Variants in TULP4 observed in about 807,000 individuals in gnomAD.
TULP4 encodes the protein TUB like protein 4, also known as tubby-related protein 4.
A neutral mutation model predicts 129.0 loss-of-function variants in TULP4; 16 were observed. The observed-to-expected ratio is 0.12, with a 90% CI of 0.08 to 0.19. The LOEUF (loss-of-function observed/expected upper bound fraction) is 0.19, where lower values mean the gene tolerates loss of function less well. Among genes scored for constraint, TULP4 ranks in the 10% least tolerant of loss-of-function variants. The pLI is 1.00. For synonymous variants in TULP4, 998 were observed against 854.0 expected (o/e 1.17, Z -2.94); for missense variants, 1,842 against 2,059.1 (o/e 0.89, Z 2.04).
chr6:158,443,225 G>A (rs560180915), intron 3 of TULP4, among the ~76,000 whole-genome samples: 8 of 152,110 alleles, frequency 5.3e-5, no homozygotes, highest in South Asian at 2.1e-4. Flanking sequence ...CTTGTGATCT[G>A]CCCGCCTCGG....
At chr6:158,399,609 C>T (rs1167834405) in intron 1 of TULP4, among the ~76,000 whole-genome samples, 1 of 152,176 alleles carries the variant, frequency 6.6e-6, no homozygotes, top group Non-Finnish European at 1.5e-5. Context: ...TATTTCAAGT[C>T]CAGCTGCTGG....
In TULP4 at chr6:158,451,188, C is replaced by T. The variant is rs139774293; in HGVS notation, c.725-946C>T. On this transcript the variant is annotated intron_variant, in intron 4 of 13. Transcript: ENST00000367097. ...CAGAATTCAGTCCCTGGTTGCTCCT[C>T]CAGGCAGTTGCCCTTCTCAGAAGCA... Among the ~76,000 whole-genome samples, 536 of 152,310 alleles carry T rather than the reference C, an allele frequency of 3.5e-3. 2 individuals carry two copies. The highest frequency in any genetic ancestry group is 0.012 in the African/African-American group (487 of 41,554).
chr6:158,444,377 T>G (rs914370795), intron 3 of TULP4, among the ~76,000 whole-genome samples: 2 of 150,134 alleles, frequency 1.3e-5, no homozygotes, highest in African/African-American at 4.9e-5. Context: ...CCACCAGAGG[T>G]GCTAAGGTTA....
intron 1 of TULP4, among the ~76,000 whole-genome samples, chr6:158,264,384 A>G (rs142284102): frequency 2.0e-4 from 31 of 152,332 alleles, no homozygotes; most frequent in Non-Finnish European, 2.8e-4. Context: ...TTGGTTTGTC[A>G]TCTTCATACC....
intron 1 of TULP4, among the ~76,000 whole-genome samples, chr6:158,390,371 A>C (rs1266760059): frequency 6.6e-6 from 1 of 152,170 alleles, no homozygotes; most frequent in Non-Finnish European, 1.5e-5. Context: ...AGATCTTAAA[A>C]AAAAAAAAGA....
intron 1 of TULP4, among the ~76,000 whole-genome samples, chr6:158,324,977 A>G (rs1779713590): frequency 2.0e-5 from 3 of 152,184 alleles, no homozygotes; most frequent in African/African-American, 7.2e-5. Flanking sequence ...AGTGGAAAGC[A>G]AAGCGGGATC....
At chr6:158,298,892 G>A (rs909353619) in intron 1 of TULP4, among the ~76,000 whole-genome samples, 4 of 152,188 alleles carry the variant, frequency 2.6e-5, no homozygotes, top group Non-Finnish European at 4.4e-5. Flanking sequence ...GCATACCTGG[G>A]TCAAGAAGAA....
chr6:158,290,363 T>G (rs539668646), intron 1 of TULP4, among the ~76,000 whole-genome samples: 28 of 152,354 alleles, frequency 1.8e-4, no homozygotes, highest in Non-Finnish European at 3.2e-4. Flanking sequence ...TTGCCCATTT[T>G]CAAATCAGAA....
chr6:158,414,383 C>T (rs1778159971), intron 2 of TULP4, among the ~76,000 whole-genome samples: 1 of 92,964 alleles, frequency 1.1e-5, no homozygotes, highest in Non-Finnish European at 3.2e-5. Context: ...GAAATCCCAC[C>T]CCATGACTTC....
chr6:158,435,378 T>G (rs1344459227), intron 3 of TULP4, among the ~76,000 whole-genome samples: 1 of 152,174 alleles, frequency 6.6e-6, no homozygotes, highest in East Asian at 1.9e-4. Flanking sequence ...GGCAGCCTGG[T>G]GCTTCCATCC....
chr6:158,455,055 ATTTTTTTTTTTTTTT>A (rs781328845), intron 5 of TULP4, among the ~76,000 whole-genome samples: 1 of 33,212 alleles, frequency 3.0e-5, no homozygotes, highest in Non-Finnish European at 4.9e-5. Context: ...CAAATTTAAC[ATTTTTTTTTTTTTTT>A]TTTTTTTTTT....
chr6:158,440,906 G>A (rs1304486450), intron 3 of TULP4, among the ~76,000 whole-genome samples: 1 of 152,224 alleles, frequency 6.6e-6, no homozygotes, highest in Non-Finnish European at 1.5e-5. Context: ...TGACAGTTAA[G>A]ATGTCTAGAA....
chr6:158,240,233 C>T (rs1214732661), intron 1 of TULP4, among the ~76,000 whole-genome samples: 2 of 77,062 alleles, frequency 2.6e-5, no homozygotes, highest in African/African-American at 4.6e-5. Context: ...CCCCCCACCT[C>T]CCTCCCGGAC....
chr6:158,308,441 T>C (rs1279573484), upstream of TULP4, among the ~76,000 whole-genome samples: 329 of 152,122 alleles, frequency 2.2e-3, 1 homozygote, highest in Admixed American at 3.6e-3. Flanking sequence ...TTCTCAATCT[T>C]TTCCCCACCT....
rs778595442 is a variant in TULP4, at chr6:158,385,842, CTT to C, written c.253-27204_253-27203del. Among the ~76,000 whole-genome samples, 133 of 59,586 alleles carry C rather than the reference CTT, an allele frequency of 2.2e-3. 11 individuals carry two copies. Among genetic ancestry groups the C allele is most frequent in the African/African-American group, 7.5e-3 (104 of 13,884 alleles). The allele number at this position is 59,586 out of a possible 152,430, so 39.1% of individuals were successfully genotyped here. ...GGAAAAGTCTACAAATGTGGAATATCTTTTTTTTTTTTTTTTTTTTGAGAAAA... is the reference window on the plus strand; with the variant it reads ...GGAAAAGTCTACAAATGTGGAATATCTTTTTTTTTTTTTTTTTTGAGAAAA... On this transcript the variant is annotated intron_variant, in intron 1 of 13. Coordinates refer to ENST00000367097, the MANE Select transcript of TULP4 (RefSeq NM_020245.5).
chr6:158,303,897 T>C (rs996853530), intron 1 of TULP4, among the ~76,000 whole-genome samples: 1 of 152,212 alleles, frequency 6.6e-6, no homozygotes, highest in Admixed American at 6.5e-5. Context: ...GTCTCTAACG[T>C]TAATTCAAAC....
intron 2 of TULP4, among the ~76,000 whole-genome samples, chr6:158,414,545 T>C (rs1778164901): frequency 6.6e-6 from 1 of 152,234 alleles, no homozygotes; most frequent in African/African-American, 2.4e-5. Flanking sequence ...TGCCCTGCCC[T>C]GAAGCAGTAG....
At chr6:158,336,022 T>C (rs1287291879) in intron 1 of TULP4, among the ~76,000 whole-genome samples, 1 of 152,244 alleles carries the variant, frequency 6.6e-6, no homozygotes, top group Non-Finnish European at 1.5e-5. Context: ...CAAACTTCTT[T>C]CCATAATGAT....
chr6:158,335,134 G>C (rs62437382), intron 1 of TULP4, among the ~76,000 whole-genome samples: 21,908 of 151,976 alleles, frequency 0.14, 2,100 homozygotes, highest in Middle Eastern at 0.22. Flanking sequence ...AAAATTAGCA[G>C]AGTGTGGTGG....
Sources: gnomAD v4.1 joint callset for allele counts (sites outside exome capture counted in the v4.1 genomes callset) on GRCh38, gnomAD v4.1.1 for gene constraint, MANE v1.5 for transcripts, NCBI Gene and HGNC (gene_info 2026-07-23, HGNC 2026-07-21) for gene names.